Variants in ESX1 observed in about 807,000 individuals in gnomAD.
ESX1 encodes the protein homeobox protein ESX1.
In ESX1, 2 loss-of-function variants were observed where a neutral mutation model predicts 13.2. The observed-to-expected ratio is 0.15, with a 90% confidence interval of 0.06 to 0.48. The LOEUF (loss-of-function observed/expected upper bound fraction) is 0.48. Among genes scored for constraint, ESX1 ranks in the 20% least tolerant of loss-of-function variants. The probability of loss-of-function intolerance (pLI) is 0.97; values close to 1 mark genes in which losing one functional copy is unlikely to be tolerated. For synonymous variants in ESX1, 157 were observed against 163.1 expected, an observed-to-expected ratio of 0.96 and a Z score of 0.29; for missense variants, 307 against 379.0, an observed-to-expected ratio of 0.81 and a Z score of 1.58.
At chrX:104,253,707 C>T (rs782188549) in intron 2 of ESX1, among the ~76,000 whole-genome samples, 2 of 110,622 alleles carry the variant, frequency 1.8e-5, no homozygotes, top group Non-Finnish European at 3.8e-5. Context: ...AGGAGGGCTC[C>T]GATGAGGCTA....
intron 2 of ESX1, 24 bp downstream of exon 2, chrX:104,254,130 G>C (rs781797688): frequency 8.5e-7 from 1 of 1,176,131 alleles, no homozygotes. Flanking sequence ...GATGAACTGG[G>C]CGCCTCCGGG....
chrX:104,253,153 C>CATAT (rs1284437014), intron 2 of ESX1, among the ~76,000 whole-genome samples: 7 of 62,920 alleles, frequency 1.1e-4, no homozygotes, highest in African/African-American at 1.6e-4. Context: ...AAAAAAAAAA[C>CATAT]ATATATATAT....
In ESX1 at chrX:104,250,320, G is replaced by A. The variant is rs1556393726; in HGVS notation, c.1129C>T (p.Pro377Ser). Reference sequence around the variant, plus strand: ...CCAGTGTGAGGCACATGTGACCTGGGTGGCAGAGGCGCCATGGGCGGCCCG... The same window carrying A: ...CCAGTGTGAGGCACATGTGACCTGGATGGCAGAGGCGCCATGGGCGGCCCG... ...PPGPPMAPLP[P>S]RSHVPHTGLA... The change falls in exon 4 of 4, where the codon CCC becomes TCC. Residue 377 changes from proline to serine, a missense_variant. Coordinates refer to ENST00000372588, the MANE Select transcript of ESX1 (RefSeq NM_153448.4). 1 of 1,166,766 alleles carries A rather than the reference G, an allele frequency of 8.6e-7. No homozygotes were observed. The highest frequency in any genetic ancestry group is 2.5e-5 in the Admixed American group (1 of 40,731).
Position 104,254,165 on chromosome X carries a change from G to C in ESX1, c.495C>G (p.Asp165Glu), listed in dbSNP as rs782210806. ...ENFFDESQYPDVVARERLAAR... is the reference protein window; with the variant it reads ...ENFFDESQYPEVVARERLAAR... ...GGCAAGCCACTTACCGCGCCACAACGTCGGGATATTGAGATTCATCGAAAA... is the reference window on the plus strand; with the variant it reads ...GGCAAGCCACTTACCGCGCCACAACCTCGGGATATTGAGATTCATCGAAAA... Residue 165 changes from aspartate (D) to glutamate (E), a missense_variant, in exon 2 of 4, where the codon GAC becomes GAG. By Grantham distance (45) the Asp-to-Glu change is conservative. Coordinates refer to ENST00000372588, the MANE Select transcript of ESX1 (RefSeq NM_153448.4). 4.2e-6 allele frequency: 5 copies of C among 1,201,352 alleles called. No homozygotes were observed. The East Asian group carries it at 1.2e-4, about 29-fold the overall frequency.
Position 104,254,370 on chromosome X carries a change from T to A in ESX1, c.290A>T (p.Gln97Leu). ...EEPPLTKPEQ[Q>L]QEEPPLLELK... is the part of the protein sequence containing the mutation. The stretch of plus-strand genomic sequence containing the variant: ...CTCGAGCAGGGGCGGCTCCTCCTGC[T>A]GTTGCTCCGGCTTGGTCAGGGGCGG... Residue 97 changes from glutamine (Q) to leucine (L), a missense_variant, in exon 2 of 4, where the codon CAG (glutamine) becomes CTG (leucine). Coordinates refer to ENST00000372588, the MANE Select transcript of ESX1 (RefSeq NM_153448.4). 2.5e-6 allele frequency: 3 copies of A among 1,211,418 alleles called. No individual in the cohort carries two copies. Among genetic ancestry groups the A allele is most frequent in the Non-Finnish European group, 3.4e-6 (3 of 895,368 alleles).
intron 2 of ESX1, among the ~76,000 whole-genome samples, chrX:104,253,134 G>A (rs1602542285): frequency 2.2e-5 from 2 of 92,256 alleles, no homozygotes; most frequent in African/African-American, 7.4e-5. Context: ...GGGCGACAGA[G>A]TGAGTCTCAA....
At chrX:104,251,991 A>C (rs1209229958) in intron 3 of ESX1, among the ~76,000 whole-genome samples, 1 of 112,023 alleles carries the variant, frequency 8.9e-6, no homozygotes, top group Non-Finnish European at 1.9e-5. Context: ...TTTTATTCAA[A>C]TTCTTCTTTC....
chrX:104,251,066 C>T (rs1010446), intron 3 of ESX1, among the ~76,000 whole-genome samples, 170 bp from the exon 4 acceptor site: 34,671 of 110,296 alleles, frequency 0.31, 4,872 homozygotes, highest in East Asian at 0.61. Context: ...CTCAGATGTG[C>T]TAGTGGTCAC....
In ESX1 at chrX:104,250,698, G is replaced by A. The variant is rs1281553329; in HGVS notation, c.751C>T (p.Pro251Ser). ...LPRPPVLPVP[P>S]MPPRPPMVPM... ...ACCATGGGTGGCCTGGGTGGCATAG[G>A]TGGCACAGGCAGCACAGGTGGTCTA... Residue 251 changes from proline to serine, a missense_variant, in exon 4 of 4, where the codon CCT (proline) becomes TCT (serine). Transcript: ENST00000372588. 3 of 1,210,193 alleles carry A rather than the reference G, an allele frequency of 2.5e-6. No individual in the cohort carries two copies. Among genetic ancestry groups the A allele is most frequent in the Non-Finnish European group, 3.4e-6 (3 of 895,152 alleles).
Position 104,250,914 on chromosome X carries a change from G to A in ESX1, c.553-18C>T, listed in dbSNP as rs1556394191. ...AACCAAACCTTCAGAGGGGAAAAAT[G>A]AATTGGTTTAGTATTTTGAACAGTT... On this transcript the variant is annotated intron_variant, in intron 3 of 3. Transcript: ENST00000372588. 1.7e-6 allele frequency: 2 copies of A among 1,172,212 alleles called. No individual in the cohort carries two copies. Among genetic ancestry groups the A allele is most frequent in the South Asian group, 3.8e-5 (2 of 52,449 alleles).
chrX:104,254,559 G>A lies in ESX1; in HGVS notation c.101C>T (p.Thr34Ile), dbSNP rs147516186. 18 of 1,207,083 alleles carry A rather than the reference G, an allele frequency of 1.5e-5. No homozygotes were observed. Among genetic ancestry groups the A allele is most frequent in the South Asian group, 8.8e-5 (5 of 56,725 alleles). Residue 34 changes from threonine (T) to isoleucine (I), a missense_variant, in exon 2 of 4, where the codon ACC (threonine) becomes ATC (isoleucine). Coordinates refer to ENST00000372588, the MANE Select transcript of ESX1 (RefSeq NM_153448.4). ...EEVNDEKLTV[T>I]SLMARGGEDE... ...CTCTCCTCCCCTTGCCATCAGCGAGGTCACGGTAAGTTTCTCATCTGGGAA... is the reference window on the plus strand; with the variant it reads ...CTCTCCTCCCCTTGCCATCAGCGAGATCACGGTAAGTTTCTCATCTGGGAA...
At position 104,250,701 on chromosome X, in the gene ESX1, G is replaced by T. The variant is rs1556394112; in HGVS notation, c.748C>A (p.Pro250Thr). 1.7e-6 allele frequency: 2 copies of T among 1,211,543 alleles called. No individual in the cohort carries two copies. Reference sequence around the variant, plus strand: ...ATGGGTGGCCTGGGTGGCATAGGTGGCACAGGCAGCACAGGTGGTCTAGGT... The same window carrying T: ...ATGGGTGGCCTGGGTGGCATAGGTGTCACAGGCAGCACAGGTGGTCTAGGT... ...QLPRPPVLPV[P>T]PMPPRPPMVP... The change falls in exon 4 of 4, where the codon CCA becomes ACA. Residue 250 changes from proline to threonine, a missense_variant. Physicochemically the swap from Pro to Thr is conservative, Grantham distance 38. Transcript: ENST00000372588.
chrX:104,254,724 C>CT, intron 1 of ESX1, 44 bp downstream of exon 1: 1 of 1,172,815 alleles, frequency 8.5e-7, no homozygotes, highest in Non-Finnish European at 1.2e-6. Context: ...AAAAATTCCT[C>CT]TTTTGGAGTT....
chrX:104,253,843 T>C (rs1188197644), intron 2 of ESX1, among the ~76,000 whole-genome samples: 2 of 112,787 alleles, frequency 1.8e-5, no homozygotes, highest in Non-Finnish European at 1.9e-5. Context: ...GCGCGCACAA[T>C]GTAAATGGCG....
chrX:104,250,708 C>A lies in ESX1; in HGVS notation c.741G>T (p.Leu247=), dbSNP rs1240852486. Residue 247 remains leucine, a synonymous_variant, in exon 4 of 4, where the codon CTG becomes CTT. Transcript: ENST00000372588. Reference sequence around the variant, plus strand: ...GCCTGGGTGGCATAGGTGGCACAGGCAGCACAGGTGGTCTAGGTAGTTGTG... The same window carrying A: ...GCCTGGGTGGCATAGGTGGCACAGGAAGCACAGGTGGTCTAGGTAGTTGTG... ...LVPQLPRPPV[L]PVPPMPPRPP... 8.3e-7 allele frequency: 1 copy of A among 1,210,037 alleles called. No homozygotes were observed. The highest frequency in any genetic ancestry group is 1.1e-6 in the Non-Finnish European group (1 of 895,129).
At chrX:104,253,574 G>A (rs1923239967) in intron 2 of ESX1, among the ~76,000 whole-genome samples, 1 of 111,641 alleles carries the variant, frequency 9.0e-6, no homozygotes, top group Non-Finnish European at 1.9e-5. Flanking sequence ...CCGGGCGAAG[G>A]CTAAGTACAA....
chrX:104,251,914 C>G (rs1923192169), intron 3 of ESX1, among the ~76,000 whole-genome samples: 1 of 112,302 alleles, frequency 8.9e-6, no homozygotes, highest in African/African-American at 3.2e-5. Flanking sequence ...TGTGTGACAT[C>G]TGCAATGCAT....
intron 2 of ESX1, 98 bp downstream of exon 2, chrX:104,254,056 C>T (rs1556395093): frequency 3.8e-6 from 4 of 1,053,583 alleles, no homozygotes; most frequent in African/African-American, 1.9e-5. Context: ...CCCCAAAAAC[C>T]AAGGGCGGAG....
At chrX:104,251,353 A>C (rs1923180381) in intron 3 of ESX1, among the ~76,000 whole-genome samples, 1 of 111,841 alleles carries the variant, frequency 8.9e-6, no homozygotes, top group African/African-American at 3.2e-5. Flanking sequence ...GGAGGGAAAA[A>C]AGCAGCTCAG....
Sources: allele counts gnomAD v4.1 joint callset (sites outside exome capture counted in the v4.1 genomes callset), GRCh38; gene constraint gnomAD v4.1.1; transcripts MANE v1.5; gene names NCBI Gene and HGNC (gene_info 2026-07-23, HGNC 2026-07-21).